Variants in POLR1B observed in about 807,000 individuals in gnomAD.
The protein encoded by POLR1B is DNA-directed RNA polymerase I subunit RPA2.
POLR1B carries 30 observed loss-of-function variants against 105.8 expected under a neutral mutation model. The ratio of observed to expected loss-of-function variants is 0.28; its 90% confidence interval spans 0.21 to 0.38. The LOEUF (loss-of-function observed/expected upper bound fraction) is 0.38. POLR1B is among the 10% of genes least tolerant of loss of function. POLR1B has a pLI of 1.00. For synonymous variants in POLR1B, 485 were observed against 505.1 expected, an observed-to-expected ratio of 0.96 and a Z score of 0.53; for missense variants, 976 against 1,435.8, an observed-to-expected ratio of 0.68 and a Z score of 5.17.
At chr2:112,547,805 C>T (rs1316710752) in intron 3 of POLR1B, among the ~76,000 whole-genome samples, 1 of 151,590 alleles carries the variant, frequency 6.6e-6, no homozygotes, top group African/African-American at 2.4e-5. Flanking sequence ...GTAGGTTTTT[C>T]CCTAATTTTC....
In POLR1B at chr2:112,551,958, G is replaced by T. The variant is rs1683395949; in HGVS notation, c.946G>T (p.Asp316Tyr). The T allele has an allele frequency of 6.2e-7, 1 of 1,614,082 alleles. No homozygotes were observed. The highest frequency in any genetic ancestry group is 8.5e-7 in the Non-Finnish European group (1 of 1,180,042). Residue 316 changes from aspartate to tyrosine, a missense_variant, in exon 6 of 15, where the codon GAC becomes TAC. Coordinates refer to ENST00000263331, the MANE Select transcript of POLR1B (RefSeq NM_019014.6). ...CTTCAGAGTAAAACTCAATGTTCCT[G>T]ACTGGTACCCAAATGAGCAAGCTGC... is the stretch of plus-strand genomic sequence containing the variant. ...ECFRVKLNVP[D>Y]WYPNEQAAEF...
chr2:112,571,310 T>C (rs986628280), intron 12 of POLR1B, among the ~76,000 whole-genome samples: 1 of 152,188 alleles, frequency 6.6e-6, no homozygotes, highest in Non-Finnish European at 1.5e-5. Context: ...TTATGAACAT[T>C]GCGAGGAGTA....
At chr2:112,574,674 A>G (rs1012053154) in intron 14 of POLR1B, among the ~76,000 whole-genome samples, 173 bp from the exon 15 acceptor site, 3 of 150,204 alleles carry the variant, frequency 2.0e-5, no homozygotes, top group African/African-American at 7.4e-5. Context: ...GTGAGCTGTA[A>G]TTGCACCACC....
At chr2:112,563,716 A>G (rs1320423475) in intron 9 of POLR1B, among the ~76,000 whole-genome samples, 2 of 151,954 alleles carry the variant, frequency 1.3e-5, no homozygotes, top group African/African-American at 4.8e-5. Context: ...TAGGCAACAC[A>G]GGGAGACCCT....
chr2:112,542,243 A>G, upstream of POLR1B: 1 of 1,535,246 alleles, frequency 6.5e-7, no homozygotes, highest in Non-Finnish European at 8.7e-7. Flanking sequence ...GTGGGGCGGA[A>G]TATGGGAGAA....
intron 12 of POLR1B, among the ~76,000 whole-genome samples, chr2:112,571,117 A>T (rs1295773979): frequency 6.6e-6 from 1 of 152,026 alleles, no homozygotes; most frequent in Non-Finnish European, 1.5e-5. Context: ...TTCTTCTCTA[A>T]GATTTCTTAT....
chr2:112,546,952 G>C, intron 1 of POLR1B, 60 bp from the exon 2 acceptor site: 1 of 1,545,858 alleles, frequency 6.5e-7, no homozygotes, highest in Admixed American at 1.7e-5. Flanking sequence ...ATTTGGAAGA[G>C]TCTTAGAGAA....
rs1157708216 is a variant in POLR1B, at chr2:112,567,822, C to T, written c.1747-145C>T. On this transcript the variant is annotated intron_variant, in intron 10 of 14. Coordinates refer to ENST00000263331, the MANE Select transcript of POLR1B (RefSeq NM_019014.6). ...CTTAGCCTCAGTAGTTAGTGATTTGCCTACTAGCTGGGGTGAGCACCCAAG... is the reference window on the plus strand; with the variant it reads ...CTTAGCCTCAGTAGTTAGTGATTTGTCTACTAGCTGGGGTGAGCACCCAAG... 9.6e-6 allele frequency: 6 copies of T among 626,200 alleles called. No individual in the cohort carries two copies. The East Asian group carries it at 1.4e-4, about 14-fold the overall frequency. The allele number at this position is 626,200 out of a possible 1,614,324, so 38.8% of individuals were successfully genotyped here.
chr2:112,545,283 C>T (rs777965362), intron 1 of POLR1B, among the ~76,000 whole-genome samples: 5 of 152,138 alleles, frequency 3.3e-5, no homozygotes, highest in Non-Finnish European at 7.3e-5. Flanking sequence ...ATAAGCTGTC[C>T]TTAAACAGAA....
At chr2:112,545,020 CCTT>C (rs1390378631) in intron 1 of POLR1B, among the ~76,000 whole-genome samples, 3 of 152,174 alleles carry the variant, frequency 2.0e-5, no homozygotes, top group Non-Finnish European at 2.9e-5. Flanking sequence ...TGATGCTCGG[CCTT>C]CTTGTTTTAA....
rs1046883669 is a variant in POLR1B, at chr2:112,576,208, A to G, written c.*479A>G. On this transcript the variant is annotated 3_prime_UTR_variant, in exon 15 of 15. Transcript: ENST00000263331. ...ATAGAAGTACAGTTGTTACATATTT[A>G]ATGAATACAATTTGATGGGTCTGAC... is the stretch of plus-strand genomic sequence containing the variant. 6.4e-6 allele frequency: 1 copy of G among 157,184 alleles called. No individual in the cohort carries two copies. The highest frequency in any genetic ancestry group is 1.4e-5 in the Non-Finnish European group (1 of 71,044). 9.7% of individuals were successfully genotyped at this position (157,184 alleles called of 1,614,324 possible). A position where few individuals can be genotyped will look rare whatever the true frequency, so the allele number is the denominator to read the frequency against.
At chr2:112,555,842 A>G (rs1165418590) in intron 7 of POLR1B, among the ~76,000 whole-genome samples, 1 of 152,250 alleles carries the variant, frequency 6.6e-6, no homozygotes, top group Non-Finnish European at 1.5e-5. Context: ...CAGAAGATAC[A>G]TAACCATGAC....
rs556566004 is a variant in POLR1B at position 112,564,245 on chromosome 2, T to G, written c.1613-121T>G. ...AAAAGAAATAATGCCTGTACCTGTT[T>G]TAGAGACAAGGATAATTTGATATCT... On this transcript the variant is annotated intron_variant, in intron 9 of 14. Transcript: ENST00000263331. 150 of 1,221,552 alleles carry G rather than the reference T, an allele frequency of 1.2e-4. No individual in the cohort carries two copies. In the African/African-American group the frequency reaches 1.9e-3, roughly 16 times the overall value. 75.7% of individuals were successfully genotyped at this position (1,221,552 alleles called of 1,614,324 possible).
chr2:112,572,616 A>G lies in POLR1B; in HGVS notation c.2129A>G (p.Lys710Arg), dbSNP rs1684651834. ...LLTYQDRSDNKLYRLQTPQSP... is the reference protein window; with the variant it reads ...LLTYQDRSDNRLYRLQTPQSP... ...ACTTATCAAGACCGATCGGATAACA[A>G]ACTGTATCGTCTTCAGACTCCTCAG... The change falls in exon 13 of 15, where the codon AAA (lysine) becomes AGA (arginine). Residue 710 changes from lysine to arginine, a missense_variant. This residue lies in a region of POLR1B where 46 missense variants were observed against 66.8 expected (regional missense o/e 0.69). Coordinates refer to ENST00000263331, the MANE Select transcript of POLR1B (RefSeq NM_019014.6). 4.3e-6 allele frequency: 7 copies of G among 1,611,810 alleles called. No homozygotes were observed. The highest frequency in any genetic ancestry group is 2.7e-5 in the African/African-American group (2 of 74,872).
intron 3 of POLR1B, 80 bp from the exon 4 acceptor site, chr2:112,549,187 C>A (rs888347902): frequency 8.0e-6 from 12 of 1,494,374 alleles, no homozygotes; most frequent in Non-Finnish European, 1.0e-5. Context: ...TGTTGTACTA[C>A]CTTTGGCTAG....
At chr2:112,573,144 C>T (rs544897976) in intron 13 of POLR1B, among the ~76,000 whole-genome samples, 13 of 152,156 alleles carry the variant, frequency 8.5e-5, no homozygotes, top group African/African-American at 3.1e-4. Context: ...GCTCTGTTGC[C>T]CAGGCTGGAG....
intron 10 of POLR1B, among the ~76,000 whole-genome samples, chr2:112,566,100 C>T (rs1484189538): frequency 2.0e-5 from 3 of 152,072 alleles, no homozygotes; most frequent in Non-Finnish European, 4.4e-5. Context: ...CTGATCCACC[C>T]GCCTTGGCCT....
At position 112,546,936 on chromosome 2, in the gene POLR1B, C is replaced by T. The variant is rs540610016; in HGVS notation, c.178-76C>T. 2.7e-6 allele frequency: 4 copies of T among 1,461,908 alleles called. No individual in the cohort carries two copies. The South Asian group carries it at 5.0e-5, about 18-fold the overall frequency. 90.6% of individuals were successfully genotyped at this position (1,461,908 alleles called of 1,614,324 possible). A position where few individuals can be genotyped will look rare whatever the true frequency, so the allele number is the denominator to read the frequency against. ...CACAGGCATCAATGTTTGTAGAACA[C>T]ATAAGATTTGGAAGAGTCTTAGAGA... On this transcript the variant is annotated intron_variant, in intron 1 of 14. Transcript: ENST00000263331.
At position 112,575,128 on chromosome 2, in the gene POLR1B, A is replaced by G. The variant is rs1254419295; in HGVS notation, c.2807A>G (p.Lys936Arg). ...IGMLIESMAG[K>R]SAALHGLCHD... Reference sequence around the variant, plus strand: ...ATGTTAATTGAGAGTATGGCCGGGAAGTCTGCAGCTTTGCATGGTCTCTGC... The same window carrying G: ...ATGTTAATTGAGAGTATGGCCGGGAGGTCTGCAGCTTTGCATGGTCTCTGC... The change falls in exon 15 of 15, where the codon AAG becomes AGG. Residue 936 changes from lysine to arginine, a missense_variant. By Grantham distance (26) the Lys-to-Arg change is conservative. Around this residue, in one of 12 missense-constraint regions of POLR1B, gnomAD observed 35 missense variants for 102.5 expected, o/e 0.34. Coordinates refer to ENST00000263331, the MANE Select transcript of POLR1B (RefSeq NM_019014.6). The surrounding 1 kb of genome is among the most constrained non-coding windows in gnomAD (Gnocchi z 5.3). 1.2e-6 allele frequency: 2 copies of G among 1,614,080 alleles called. No homozygotes were observed. Among genetic ancestry groups the G allele is most frequent in the African/African-American group, 2.7e-5 (2 of 74,932 alleles).
Sources: allele counts gnomAD v4.1 joint callset (sites outside exome capture counted in the v4.1 genomes callset), GRCh38; gene constraint gnomAD v4.1.1; regional missense constraint gnomAD v4.1.1; non-coding constraint Gnocchi (gnomAD v3.1); transcripts MANE v1.5; gene names NCBI Gene and HGNC (gene_info 2026-07-23, HGNC 2026-07-21).